SEMA6D: variants seen among roughly 807,000 people sequenced by gnomAD.
The protein encoded by SEMA6D is semaphorin-6D.
SEMA6D carries 35 observed loss-of-function variants against 106.6 expected under a neutral mutation model. The ratio of observed to expected loss-of-function variants is 0.33; its 90% CI spans 0.25 to 0.44. SEMA6D has a LOEUF of 0.44. Ranked by LOEUF, SEMA6D falls within the 20% of genes least tolerant of loss-of-function variation. The pLI is 1.00. For missense variants in SEMA6D, 1,185 were observed against 1,345.9 expected, an observed-to-expected ratio of 0.88 and a Z score of 1.87; for synonymous variants, 499 against 487.7, an observed-to-expected ratio of 1.02 and a Z score of -0.31.
chr15:47,364,372 G>C (rs1280776260), intron 1 of SEMA6D, among the ~76,000 whole-genome samples: 1 of 152,110 alleles, frequency 6.6e-6, no homozygotes, highest in Non-Finnish European at 1.5e-5. Context: ...CTACATGACT[G>C]TCTCATAATC....
At chr15:47,471,558 G>C (rs545085122) in intron 3 of SEMA6D, among the ~76,000 whole-genome samples, 33 of 152,244 alleles carry the variant, frequency 2.2e-4, no homozygotes, top group Admixed American at 7.2e-4. Context: ...GCAGACATGA[G>C]CCTTTATGAT....
chr15:47,640,401 G>A (rs1165330724), intron 4 of SEMA6D, among the ~76,000 whole-genome samples: 1 of 152,170 alleles, frequency 6.6e-6, no homozygotes, highest in African/African-American at 2.4e-5. Context: ...TGCTTGCTGT[G>A]TTTTCTAGAG....
At chr15:47,438,719 C>T (rs1200705079) in intron 2 of SEMA6D, among the ~76,000 whole-genome samples, 4 of 151,714 alleles carry the variant, frequency 2.6e-5, no homozygotes, top group Non-Finnish European at 5.9e-5. Flanking sequence ...TGATCTTTTG[C>T]ACCTGCCCCT....
rs368416738 is a variant in SEMA6D, at chr15:47,534,326, G to T, written c.-87+63781G>T. On this transcript the variant is annotated intron_variant, in intron 3 of 19. Transcript: ENST00000558014. ...GTGCCGCAGCCTCCCTAGTAGCTGG[G>T]ATTACAGGCGTGCCCAGCTAATTTT... is the stretch of plus-strand genomic sequence containing the variant. Among the ~76,000 whole-genome samples the T allele has an allele frequency of 3.3e-5, 5 of 152,146 alleles. 1 individual carries two copies. The highest frequency in any genetic ancestry group is 1.3e-4 in the Admixed American group (2 of 15,278).
chr15:47,459,959 C>T (rs567330116), intron 2 of SEMA6D, among the ~76,000 whole-genome samples: 27 of 152,108 alleles, frequency 1.8e-4, no homozygotes, highest in Non-Finnish European at 3.1e-4. Flanking sequence ...CCACTAACTC[C>T]TCCATTGACC....
At chr15:47,740,230 A>T (rs2080722056) in intron 1 of SEMA6D, among the ~76,000 whole-genome samples, 1 of 152,170 alleles carries the variant, frequency 6.6e-6, no homozygotes, top group Non-Finnish European at 1.5e-5. Context: ...AATAGAAAGT[A>T]AAAAACATGG....
At chr15:47,249,085 G>A (rs1001417561) in intron 1 of SEMA6D, among the ~76,000 whole-genome samples, 18 of 152,002 alleles carry the variant, frequency 1.2e-4, no homozygotes, top group African/African-American at 3.9e-4. Flanking sequence ...AACATTAGCC[G>A]GCCATGATGG....
chr15:47,519,835 G>A (rs935857714), intron 3 of SEMA6D, among the ~76,000 whole-genome samples: 1 of 152,194 alleles, frequency 6.6e-6, no homozygotes, highest in African/African-American at 2.4e-5. Flanking sequence ...ATTGATGTGA[G>A]GCCTATGAAG....
intron 1 of SEMA6D, among the ~76,000 whole-genome samples, chr15:47,230,943 A>T (rs2032147008): frequency 6.6e-6 from 1 of 152,012 alleles, no homozygotes; most frequent in Non-Finnish European, 1.5e-5. Flanking sequence ...CTTAGTCACT[A>T]GTGAGACTTT....
At chr15:47,686,394 A>G (rs1399730244) in intron 4 of SEMA6D, among the ~76,000 whole-genome samples, 2 of 152,234 alleles carry the variant, frequency 1.3e-5, no homozygotes, top group Admixed American at 6.5e-5. Context: ...ACCAACTTCA[A>G]TTTTGACGAA....
chr15:47,648,666 G>A (rs531089361), intron 4 of SEMA6D, among the ~76,000 whole-genome samples: 1 of 152,208 alleles, frequency 6.6e-6, no homozygotes, highest in African/African-American at 2.4e-5. Flanking sequence ...ACAGCAGCCG[G>A]CACTCACTGA....
At chr15:47,591,935 T>A (rs1369629) in intron 3 of SEMA6D, among the ~76,000 whole-genome samples, 150,982 of 152,248 alleles carry the variant, frequency 0.99, 74,872 homozygotes, top group Middle Eastern at 1. Context: ...AATGGGAAAG[T>A]GAGCTAACTA....
intron 4 of SEMA6D, among the ~76,000 whole-genome samples, chr15:47,608,595 A>G (rs2076830612): frequency 6.6e-6 from 1 of 152,192 alleles, no homozygotes; most frequent in Non-Finnish European, 1.5e-5. Flanking sequence ...AGAACTCATA[A>G]GCATCAAATC....
At chr15:47,714,361 ACCTT>A (rs1165393995), upstream of SEMA6D, among the ~76,000 whole-genome samples, 2 of 151,648 alleles carry the variant, frequency 1.3e-5, no homozygotes, top group Non-Finnish European at 3.0e-5. Flanking sequence ...AATAGTACTT[ACCTT>A]GTAGCATTGT....
chr15:47,203,051 A>C (rs778372644), intron 1 of SEMA6D, among the ~76,000 whole-genome samples: 1 of 152,140 alleles, frequency 6.6e-6, no homozygotes, highest in Non-Finnish European at 1.5e-5. Context: ...AGTTATTTTC[A>C]AAAGGAGTCT....
chr15:47,218,580 C>T (rs1566932837), intron 1 of SEMA6D, among the ~76,000 whole-genome samples: 1 of 152,206 alleles, frequency 6.6e-6, no homozygotes, highest in Non-Finnish European at 1.5e-5. Context: ...ATCTACAACT[C>T]AGTCATGCTT....
chr15:47,275,685 C>T (rs2034772696), intron 1 of SEMA6D, among the ~76,000 whole-genome samples: 1 of 151,980 alleles, frequency 6.6e-6, no homozygotes. Flanking sequence ...CTTGGGCCTC[C>T]CTATTCCCTG....
intron 4 of SEMA6D, among the ~76,000 whole-genome samples, chr15:47,688,552 A>C (rs755010129): frequency 2.4e-4 from 37 of 152,342 alleles, no homozygotes; most frequent in Admixed American, 5.9e-4. Context: ...GGTTTTATAG[A>C]GTATGAAAAG....
chr15:47,269,531 A>G lies in SEMA6D; in HGVS notation c.-239+85113A>G, dbSNP rs548252180. Among the ~76,000 whole-genome samples the G allele has an allele frequency of 2.7e-4, 41 of 152,202 alleles. 2 individuals carry two copies. In the South Asian group the frequency reaches 8.3e-3, roughly 31 times the overall value. On this transcript the variant is annotated intron_variant, in intron 1 of 19. Transcript: ENST00000558014. ...TTACTGTACATTAATTCAAGAGGCT[A>G]TTTTTACTTTTATCTTTAATCCCAC...
Sources: allele counts gnomAD v4.1 joint callset (sites outside exome capture counted in the v4.1 genomes callset), GRCh38; gene constraint gnomAD v4.1.1; transcripts MANE v1.5; gene names NCBI Gene and HGNC (gene_info 2026-07-23, HGNC 2026-07-21).